Variants in HIBCH observed in about 807,000 individuals in gnomAD.
HIBCH encodes 3-hydroxyisobutyryl-CoA hydrolase, mitochondrial.
Under a neutral mutation model 58.2 loss-of-function variants are expected in HIBCH, and 50 were observed. The observed-to-expected ratio is 0.86, with a 90% confidence interval of 0.68 to 1.09. The LOEUF (loss-of-function observed/expected upper bound fraction) is 1.09. Ranked by LOEUF, HIBCH falls within the 50% of genes least tolerant of loss-of-function variation. HIBCH has a pLI of 0.00. For missense variants in HIBCH, 450 were observed against 449.7 expected (o/e 1.00, Z -0.01); for synonymous variants, 151 against 146.9 (o/e 1.03, Z -0.20).
At chr2:190,316,418 C>T (rs999674631) in intron 1 of HIBCH, among the ~76,000 whole-genome samples, 3 of 152,034 alleles carry the variant, frequency 2.0e-5, no homozygotes, top group African/African-American at 7.3e-5. Context: ...GTCACCATGC[C>T]CAGCCGAGCA....
chr2:190,293,920 T>C (rs1432142611), intron 4 of HIBCH, among the ~76,000 whole-genome samples: 1 of 150,958 alleles, frequency 6.6e-6, no homozygotes, highest in Non-Finnish European at 1.5e-5. Flanking sequence ...CAGACTGACC[T>C]GAACAATTAT....
intron 8 of HIBCH, 124 bp from the exon 9 acceptor site, chr2:190,249,850 G>C (rs1686712486): frequency 1.4e-6 from 1 of 690,932 alleles, no homozygotes; most frequent in Admixed American, 2.5e-5. Context: ...CTCTTCAGGT[G>C]AATCACTGAA....
intron 1 of HIBCH, among the ~76,000 whole-genome samples, chr2:190,312,297 G>A (rs1032708986): frequency 2.6e-5 from 4 of 152,170 alleles, no homozygotes; most frequent in Admixed American, 1.3e-4. Flanking sequence ...AACCCACAAC[G>A]TAATGACAGA....
chr2:190,287,518 T>C, intron 6 of HIBCH, 68 bp downstream of exon 6: 1 of 1,007,314 alleles, frequency 9.9e-7, no homozygotes. Flanking sequence ...TCACTTCTGT[T>C]TAATAATTAT....
intron 11 of HIBCH, among the ~76,000 whole-genome samples, chr2:190,230,271 G>C (rs1220993161): frequency 6.6e-6 from 1 of 152,142 alleles, no homozygotes; most frequent in Non-Finnish European, 1.5e-5. Context: ...AGTAAATGGG[G>C]ATGGTGGGTG....
chr2:190,300,829 A>G (rs1688238546), intron 2 of HIBCH, among the ~76,000 whole-genome samples: 1 of 152,168 alleles, frequency 6.6e-6, no homozygotes, highest in Non-Finnish European at 1.5e-5. Context: ...TAATTTTTGT[A>G]TATAGTGTAA....
rs754273066 is a variant in HIBCH, at chr2:190,205,074, T to C, written c.*43A>G. 1.0e-5 allele frequency: 11 copies of C among 1,094,772 alleles called. No homozygotes were observed. Among genetic ancestry groups the C allele is most frequent in the Admixed American group, 7.1e-5 (4 of 56,398 alleles). 67.8% of individuals were successfully genotyped at this position (1,094,772 alleles called of 1,614,324 possible). Reference sequence around the variant, plus strand: ...CTGGATTTGGCCCACATGCTGTAGATTGCCAACCCATGCTACAAAATATAC... The same window carrying C: ...CTGGATTTGGCCCACATGCTGTAGACTGCCAACCCATGCTACAAAATATAC... On this transcript the variant is annotated 3_prime_UTR_variant, in exon 14 of 14. Coordinates refer to ENST00000359678, the MANE Select transcript of HIBCH (RefSeq NM_014362.4).
At position 190,249,713 on chromosome 2, in the gene HIBCH, T is replaced by C; in HGVS notation, c.677A>G (p.Glu226Gly). Residue 226 changes from glutamate (E) to glycine (G), a missense_variant, in exon 9 of 14, where the codon GAG becomes GGG. Physicochemically the swap from Glu to Gly is moderately conservative, Grantham distance 98. Coordinates refer to ENST00000359678, the MANE Select transcript of HIBCH (RefSeq NM_014362.4). ...FVDSEKLAML[E>G]EDLLALKSPS... is the part of the protein sequence containing the mutation. ...AGATTTCAAGGCTAACAAATCTTCC[T>C]CTAACATGGCCAACTAAAGGGGAGG... 3 of 1,606,964 alleles carry C rather than the reference T, an allele frequency of 1.9e-6. No homozygotes were observed. Among genetic ancestry groups the C allele is most frequent in the Non-Finnish European group, 2.6e-6 (3 of 1,173,830 alleles).
Position 190,294,491 on chromosome 2 carries a change from T to C in HIBCH, c.304+55A>G, listed in dbSNP as rs575073240. ...AATTATTACAAAAATTTGACAATAC[T>C]TGATCAGTTCTAGTAGGGGGAAAGA... is the stretch of plus-strand genomic sequence containing the variant. On this transcript the variant is annotated intron_variant, in intron 4 of 13. Transcript: ENST00000359678. 1.4e-5 allele frequency: 16 copies of C among 1,112,720 alleles called. No individual in the cohort carries two copies. In the South Asian group the frequency reaches 1.8e-4, roughly 12 times the overall value. 68.9% of individuals were successfully genotyped at this position (1,112,720 alleles called of 1,614,324 possible). A position where few individuals can be genotyped will look rare whatever the true frequency, so the allele number is the denominator to read the frequency against.
chr2:190,193,004 C>T lies in HIBCH; in HGVS notation c.*18-3007G>A, dbSNP rs939830092. 2.0e-5 allele frequency among the ~76,000 whole-genome samples: 3 copies of T among 151,822 alleles called. No homozygotes were observed. In the East Asian group the frequency reaches 5.8e-4, roughly 29 times the overall value. On this transcript the variant is annotated intron_variant, in intron 1 of 1. Coordinates refer to the HIBCH transcript ENST00000399855. Reference sequence around the variant, plus strand: ...CAATCTTTATGCTTTGTATGTCTTCCCTTCCTCATACTCAGTGGGACTTCC... The same window carrying T: ...CAATCTTTATGCTTTGTATGTCTTCTCTTCCTCATACTCAGTGGGACTTCC...
rs1261856686 is a variant in HIBCH, at chr2:190,211,387, T to C, written c.1011+1569A>G. On this transcript the variant is annotated intron_variant, in intron 12 of 13. Transcript: ENST00000359678. This position sits in a 1 kb window ranked among gnomAD's most constrained non-coding sequence, Gnocchi z 5.0. ...GCCACCATGCTTGTCTCAAAACTAC[T>C]ATTTCACACCTGGATCACTGCAGGA... 2.0e-5 allele frequency among the ~76,000 whole-genome samples: 3 copies of C among 152,214 alleles called. No individual in the cohort carries two copies. The East Asian group carries it at 5.8e-4, about 29-fold the overall frequency.
intron 6 of HIBCH, 41 bp downstream of exon 6, chr2:190,287,545 C>G: frequency 8.1e-7 from 1 of 1,235,852 alleles, no homozygotes; most frequent in Non-Finnish European, 1.2e-6. Context: ...ATTTTTAATA[C>G]AACTCACTCA....
intron 1 of HIBCH, among the ~76,000 whole-genome samples, chr2:190,192,776 CAT>C (rs1689778162): frequency 1.3e-5 from 2 of 152,030 alleles, no homozygotes; most frequent in South Asian, 4.1e-4. Flanking sequence ...CCTAAGTGTT[CAT>C]GTTTTTGATG....
chr2:190,209,010 TG>T lies in HIBCH; in HGVS notation c.1012-98del. ...TATTCACTTCAGCCTTCCACTCCCATGGCCACAACCTGAACCATGACATTCA... is the reference window on the plus strand; with the variant it reads ...TATTCACTTCAGCCTTCCACTCCCATGCCACAACCTGAACCATGACATTCA... On this transcript the variant is annotated intron_variant, in intron 12 of 13. Transcript: ENST00000359678. This position sits in a 1 kb window ranked among gnomAD's most constrained non-coding sequence, Gnocchi z 5.6. 9.6e-7 allele frequency: 1 copy of T among 1,043,210 alleles called. No individual in the cohort carries two copies. The allele number at this position is 1,043,210 out of a possible 1,614,324, so 64.6% of individuals were successfully genotyped here. A position where few individuals can be genotyped will look rare whatever the true frequency, so the allele number is the denominator to read the frequency against.
chr2:190,205,817 T>C (rs1234581040), intron 13 of HIBCH, among the ~76,000 whole-genome samples: 1 of 152,178 alleles, frequency 6.6e-6, no homozygotes, highest in Non-Finnish European at 1.5e-5. Context: ...TCATCACTCA[T>C]CATAGCCACA....
intron 11 of HIBCH, among the ~76,000 whole-genome samples, chr2:190,244,464 C>T (rs1287399414): frequency 1.3e-5 from 2 of 152,070 alleles, no homozygotes; most frequent in Non-Finnish European, 2.9e-5. Flanking sequence ...TTTAATTAAA[C>T]CTCCTGTTTA....
At chr2:190,301,862 CT>C (rs1321994954) in intron 2 of HIBCH, among the ~76,000 whole-genome samples, 1 of 152,146 alleles carries the variant, frequency 6.6e-6, no homozygotes, top group Non-Finnish European at 1.5e-5. Flanking sequence ...TCCCTTCAAC[CT>C]CTTTTATAAG....
At chr2:190,296,253 T>C (rs1688101009) in intron 3 of HIBCH, among the ~76,000 whole-genome samples, 1 of 152,084 alleles carries the variant, frequency 6.6e-6, no homozygotes, top group South Asian at 2.1e-4. Flanking sequence ...ACCCCGTCTC[T>C]ACTAAAAATA....
chr2:190,287,697 TAAAA>T, intron 5 of HIBCH, 59 bp from the exon 6 acceptor site: 1 of 1,289,276 alleles, frequency 7.8e-7, no homozygotes, highest in Non-Finnish European at 1.1e-6. Context: ...CCCTTTTTCT[TAAAA>T]AAAAACCCAC....
Sources: allele counts gnomAD v4.1 joint callset (sites outside exome capture counted in the v4.1 genomes callset), GRCh38; gene constraint gnomAD v4.1.1; non-coding constraint Gnocchi (gnomAD v3.1); transcripts MANE v1.5; gene names NCBI Gene and HGNC (gene_info 2026-07-23, HGNC 2026-07-21).